CEP55: variants seen among roughly 807,000 people sequenced by gnomAD.
CEP55 encodes the protein centrosomal protein of 55 kDa.
Under a neutral mutation model 63.2 loss-of-function variants are expected in CEP55, and 57 were observed. The observed-to-expected ratio is 0.90, with a 90% CI of 0.73 to 1.13. The LOEUF (loss-of-function observed/expected upper bound fraction) is 1.13. Among genes scored for constraint, CEP55 ranks in the 50% most tolerant of loss-of-function variants. The probability of loss-of-function intolerance (pLI) is 0.00; values close to 1 mark genes in which losing one functional copy is unlikely to be tolerated. For synonymous variants in CEP55, 178 were observed against 191.6 expected (o/e 0.93, Z 0.59); for missense variants, 456 against 518.9 (o/e 0.88, Z 1.18).
intron 8 of CEP55, among the ~76,000 whole-genome samples, chr10:93,525,847 T>C (rs1259058932): frequency 6.6e-6 from 1 of 152,000 alleles, no homozygotes; most frequent in Non-Finnish European, 1.5e-5. Flanking sequence ...AAGGATTCCC[T>C]ATTTAATAAA....
Position 93,502,233 on chromosome 10 carries a change from G to GTGT in CEP55, c.184-878_184-876dup, listed in dbSNP as rs531203425. Reference sequence around the variant, plus strand: ...CTGGAAAACACAGATTGAAATAGTAGTGTTACATCTACTTAGCTGGATACT... The same window carrying GTGT: ...CTGGAAAACACAGATTGAAATAGTAGTGTTGTTACATCTACTTAGCTGGATACT... On this transcript the variant is annotated intron_variant, in intron 2 of 8. Transcript: ENST00000371485. 3.9e-3 allele frequency among the ~76,000 whole-genome samples: 587 copies of GTGT among 152,248 alleles called. 2 individuals are homozygous for GTGT. The highest frequency in any genetic ancestry group is 0.013 in the African/African-American group (549 of 41,538).
At chr10:93,515,361 G>GT (rs754650507) in intron 4 of CEP55, 44 bp from the exon 5 acceptor site, 3 of 1,547,510 alleles carry the variant, frequency 1.9e-6, no homozygotes, top group East Asian at 4.6e-5. Flanking sequence ...TTAAGATTTT[G>GT]TTTTTTTATT....
chr10:93,523,655 C>T (rs1460825815), intron 8 of CEP55, among the ~76,000 whole-genome samples: 26 of 152,204 alleles, frequency 1.7e-4, no homozygotes, highest in Non-Finnish European at 2.5e-4. Flanking sequence ...AGCACCACAC[C>T]GCACTTATTC....
At chr10:93,507,225 C>CTTTT (rs137998042) in intron 4 of CEP55, among the ~76,000 whole-genome samples, 169 bp downstream of exon 4, 1 of 134,520 alleles carries the variant, frequency 7.4e-6, no homozygotes, top group Non-Finnish European at 1.6e-5. Flanking sequence ...AGCATAGTCC[C>CTTTT]TTTTTTTTTT....
In CEP55 at chr10:93,515,653, A is replaced by G. The variant is rs534509803; in HGVS notation, c.679+98A>G. ...AGATTTTTATAGATATGTGTTAGAA[A>G]GTAAAATAAGAGCAAGTCTTATAGC... On this transcript the variant is annotated intron_variant, in intron 5 of 8. Coordinates refer to ENST00000371485, the MANE Select transcript of CEP55 (RefSeq NM_018131.5). 8.8e-5 allele frequency: 109 copies of G among 1,241,846 alleles called. 1 individual carries two copies. The South Asian group carries it at 1.7e-3, about 20-fold the overall frequency. 76.9% of individuals were successfully genotyped at this position (1,241,846 alleles called of 1,614,324 possible).
At chr10:93,506,637 G>A (rs1293803225) in intron 3 of CEP55, among the ~76,000 whole-genome samples, 1 of 151,902 alleles carries the variant, frequency 6.6e-6, no homozygotes, top group African/African-American at 2.4e-5. Flanking sequence ...GCGCAATCTC[G>A]GCTCACTGCA....
At chr10:93,509,025 T>C (rs1402317866) in intron 4 of CEP55, among the ~76,000 whole-genome samples, 1 of 152,212 alleles carries the variant, frequency 6.6e-6, no homozygotes, top group East Asian at 1.9e-4. Flanking sequence ...CTGGATGGAA[T>C]CTTGGGAAGT....
intron 4 of CEP55, among the ~76,000 whole-genome samples, 190 bp from the exon 5 acceptor site, chr10:93,515,215 C>A (rs10882259): frequency 0.6 from 91,160 of 152,000 alleles, 28,108 homozygotes; most frequent in Admixed American, 0.68. Flanking sequence ...TGAACTTAAT[C>A]CCACATAAAC....
At chr10:93,520,769 G>GA (rs200946334) in intron 8 of CEP55, among the ~76,000 whole-genome samples, 10 of 148,004 alleles carry the variant, frequency 6.8e-5, no homozygotes, top group Admixed American at 4.0e-4. Context: ...TTCAAAGGAG[G>GA]AAAAAAAAAC....
Position 93,519,817 on chromosome 10 carries a change from G to A in CEP55, c.1191+10G>A, listed in dbSNP as rs565576683. The A allele has an allele frequency of 1.2e-6, 2 of 1,613,814 alleles. No homozygotes were observed. The highest frequency in any genetic ancestry group is 3.3e-5 in the Admixed American group (2 of 60,030). Reference sequence around the variant, plus strand: ...ACAGTTGGAATCCTTGGTGAGTCTGGAATGATTAAACTAAAATTTGTCTTC... The same window carrying A: ...ACAGTTGGAATCCTTGGTGAGTCTGAAATGATTAAACTAAAATTTGTCTTC... On this transcript the variant is annotated intron_variant, in intron 8 of 8. Transcript: ENST00000371485.
rs564013748 is a variant in CEP55, at chr10:93,510,900, C to G, written c.528+3844C>G. Among the ~76,000 whole-genome samples the G allele has an allele frequency of 2.0e-5, 3 of 149,444 alleles. No individual in the cohort carries two copies. The East Asian group carries it at 6.0e-4, about 30-fold the overall frequency. On this transcript the variant is annotated intron_variant, in intron 4 of 8. Coordinates refer to ENST00000371485, the MANE Select transcript of CEP55 (RefSeq NM_018131.5). ...TACAGAATATTTAGTGGATTCTTGT[C>G]AAACCTGGGCGAAGACCTTTATAGC...
intron 4 of CEP55, among the ~76,000 whole-genome samples, chr10:93,514,677 C>G (rs1429099921): frequency 6.6e-6 from 1 of 152,234 alleles, no homozygotes; most frequent in Non-Finnish European, 1.5e-5. Flanking sequence ...TCCAGCTCAG[C>G]TCAAAAGCTG....
intron 6 of CEP55, among the ~76,000 whole-genome samples, chr10:93,518,155 T>C (rs7077579): frequency 6.2e-3 from 3 of 482 alleles, no homozygotes; most frequent in South Asian, 0.5. Flanking sequence ...CTTTTTTTTC[T>C]TTTTTTTTTT....
chr10:93,517,364 G>A, intron 6 of CEP55, 116 bp downstream of exon 6: 1 of 725,872 alleles, frequency 1.4e-6, no homozygotes, highest in Non-Finnish European at 2.2e-6. Flanking sequence ...CCCCTCATGG[G>A]AGTTATATTC....
chr10:93,528,026 C>T lies in CEP55; in HGVS notation c.1268C>T (p.Ala423Val), dbSNP rs2057941802. 6.2e-7 allele frequency: 1 copy of T among 1,613,866 alleles called. No homozygotes were observed. Among genetic ancestry groups the T allele is most frequent in the Non-Finnish European group, 8.5e-7 (1 of 1,180,000 alleles). The change falls in exon 9 of 9, where the codon GCC becomes GTC. Residue 423 changes from alanine to valine, a missense_variant. Transcript: ENST00000371485. ...GAGACTGAAAACAGAGAAAAAGTTGCCGCCTCACCAAAAAGTCCCACTGCT... is the reference window on the plus strand; with the variant it reads ...GAGACTGAAAACAGAGAAAAAGTTGTCGCCTCACCAAAAAGTCCCACTGCT... Reference protein sequence around the residue: ...QGETENREKVAASPKSPTAAL... With the variant: ...QGETENREKVVASPKSPTAAL...
At chr10:93,519,069 T>G in intron 7 of CEP55, 121 bp downstream of exon 7, 3 of 674,000 alleles carry the variant, frequency 4.5e-6, no homozygotes, top group Non-Finnish European at 5.2e-6. Flanking sequence ...TTAAAAGACT[T>G]CAATAAAAGT....
intron 3 of CEP55, among the ~76,000 whole-genome samples, chr10:93,504,108 G>A (rs1448931970): frequency 6.6e-6 from 1 of 152,142 alleles, no homozygotes; most frequent in African/African-American, 2.4e-5. Context: ...TAGGTGTTCG[G>A]TAAATGGTTA....
intron 4 of CEP55, among the ~76,000 whole-genome samples, chr10:93,514,504 G>C (rs1432691452): frequency 6.6e-6 from 1 of 152,200 alleles, no homozygotes; most frequent in East Asian, 1.9e-4. Context: ...ATCTGTGCAA[G>C]GAAAAAGGAA....
chr10:93,519,720 C>T lies in CEP55; in HGVS notation c.1104C>T (p.Leu368=), dbSNP rs370915787. 6 of 1,614,080 alleles carry T rather than the reference C, an allele frequency of 3.7e-6. No homozygotes were observed. The highest frequency in any genetic ancestry group is 1.7e-5 in the Admixed American group (1 of 60,022). ...ACTLDFENEK[L]DRQHVQHQLH... is the part of the protein sequence containing the mutation. ...CTTTAGACTTTGAAAATGAAAAACT[C>T]GACCGTCAACATGTGCAGCATCAAT... The change falls in exon 8 of 9, where the codon CTC becomes CTT. Residue 368 remains leucine, a synonymous_variant. Transcript: ENST00000371485.
Sources: allele counts gnomAD v4.1 joint callset (sites outside exome capture counted in the v4.1 genomes callset), GRCh38; gene constraint gnomAD v4.1.1; transcripts MANE v1.5; gene names NCBI Gene and HGNC (gene_info 2026-07-23, HGNC 2026-07-21).